MDGA2: variants seen among roughly 807,000 people sequenced by gnomAD.
The protein encoded by MDGA2 is MAM domain-containing glycosylphosphatidylinositol anchor protein 2.
A neutral mutation model predicts 117.8 loss-of-function variants in MDGA2; 40 were observed. The ratio of observed to expected loss-of-function variants is 0.34; its 90% CI spans 0.26 to 0.44. MDGA2 has a LOEUF of 0.44. Ranked by LOEUF, MDGA2 falls within the 20% of genes least tolerant of loss-of-function variation. The pLI, the probability that MDGA2 is intolerant of heterozygous loss-of-function variation, is 1.00. For missense variants in MDGA2, 1,123 were observed against 1,250.6 expected (o/e 0.90, Z 1.54); for synonymous variants, 452 against 439.0 (o/e 1.03, Z -0.37).
rs1881890186 is a variant in MDGA2 at position 47,126,126 on chromosome 14, T to A, written c.925+5588A>T. On this transcript the variant is annotated intron_variant, in intron 5 of 16. Coordinates refer to ENST00000399232, the MANE Select transcript of MDGA2 (RefSeq NM_001113498.3). Reference sequence around the variant, plus strand: ...GCTTATTTTAATAAACTATGAGAAATACAGCTACATTAAGAATTTACCAAT... The same window carrying A: ...GCTTATTTTAATAAACTATGAGAAAAACAGCTACATTAAGAATTTACCAAT... Among the ~76,000 whole-genome samples the A allele has an allele frequency of 2.6e-5, 4 of 151,996 alleles. 1 individual carries two copies. The highest frequency in any genetic ancestry group is 2.6e-4 in the Admixed American group (4 of 15,244).
intron 1 of MDGA2, among the ~76,000 whole-genome samples, chr14:47,669,408 C>A (rs551679230): frequency 6.6e-6 from 1 of 152,256 alleles, no homozygotes; most frequent in Admixed American, 6.5e-5. Flanking sequence ...CTGACTTATT[C>A]ATTGTAAAAT....
intron 3 of MDGA2, among the ~76,000 whole-genome samples, chr14:47,177,821 A>G (rs1207873177): frequency 3.3e-5 from 5 of 152,092 alleles, no homozygotes; most frequent in Admixed American, 6.6e-5. Context: ...AAAAATTAAA[A>G]AGAAGAAATT....
chr14:47,284,715 AT>A (rs1421083872), intron 2 of MDGA2, among the ~76,000 whole-genome samples: 1 of 152,150 alleles, frequency 6.6e-6, no homozygotes, highest in Non-Finnish European at 1.5e-5. Flanking sequence ...AACCATATTT[AT>A]GAACTTGTAA....
Position 47,144,119 on chromosome 14 carries a change from A to T in MDGA2, c.751T>A (p.Ser251Thr). ...TCATAAATCTCAACTCCTTTATCAG[A>T]TCCTTGCAGCAAGACCTCCTGGCCA... ...RRGQEVLLQG[S>T]DKGVEIYEPF... The change falls in exon 4 of 17, where the codon TCT becomes ACT. Residue 251 changes from serine to threonine, a missense_variant. By Grantham distance (58) the Ser-to-Thr change is moderately conservative. Coordinates refer to ENST00000399232, the MANE Select transcript of MDGA2 (RefSeq NM_001113498.3). The T allele has an allele frequency of 6.4e-7, 1 of 1,551,108 alleles. No individual in the cohort carries two copies. Among genetic ancestry groups the T allele is most frequent in the East Asian group, 2.4e-5 (1 of 40,884 alleles).
intron 1 of MDGA2, among the ~76,000 whole-genome samples, chr14:47,661,062 T>A (rs1431756039): frequency 6.6e-6 from 1 of 152,206 alleles, no homozygotes; most frequent in African/African-American, 2.4e-5. Flanking sequence ...TTACCCAAGT[T>A]GCATTTCAAG....
intron 9 of MDGA2, among the ~76,000 whole-genome samples, chr14:46,935,840 T>C (rs948723773): frequency 6.6e-6 from 1 of 152,070 alleles, no homozygotes; most frequent in African/African-American, 2.4e-5. Context: ...TGGGTTGACA[T>C]GGAGAGTTGG....
intron 1 of MDGA2, among the ~76,000 whole-genome samples, chr14:47,563,491 C>T (rs1293231171): frequency 6.6e-6 from 1 of 150,496 alleles, no homozygotes; most frequent in Non-Finnish European, 1.5e-5. Context: ...TACTATTAAG[C>T]AATGCCCTTC....
In MDGA2 at chr14:47,155,907, T is replaced by C. The variant is rs1883362433; in HGVS notation, c.596-11633A>G. ...CTTCTTCTTTTTTTTTTTTTTTTTT[T>C]TTTTTTTTTTTTTTTTTTTTTTTTG... On this transcript the variant is annotated intron_variant, in intron 3 of 16. Coordinates refer to ENST00000399232, the MANE Select transcript of MDGA2 (RefSeq NM_001113498.3). 1.9e-4 allele frequency among the ~76,000 whole-genome samples: 9 copies of C among 46,214 alleles called. No individual in the cohort carries two copies. The South Asian group carries it at 4.9e-3, about 25-fold the overall frequency. 30.3% of individuals were successfully genotyped at this position (46,214 alleles called of 152,430 possible).
At chr14:46,942,892 T>G (rs2138585734) in intron 9 of MDGA2, among the ~76,000 whole-genome samples, 1 of 152,238 alleles carries the variant, frequency 6.6e-6, no homozygotes, top group Non-Finnish European at 1.5e-5. Flanking sequence ...TGTGCTTTCA[T>G]TTCTGTTGGG....
Position 46,951,005 on chromosome 14 carries a change from T to A in MDGA2, c.2089+6369A>T, listed in dbSNP as rs137873198. 3.8e-3 allele frequency among the ~76,000 whole-genome samples: 572 copies of A among 152,056 alleles called. 5 individuals carry two copies. Among genetic ancestry groups the A allele is most frequent in the African/African-American group, 0.013 (546 of 41,532 alleles). On this transcript the variant is annotated intron_variant, in intron 9 of 16. Coordinates refer to ENST00000399232, the MANE Select transcript of MDGA2 (RefSeq NM_001113498.3). ...TCCTTTAACATCTTGTTTTAGGTGA[T>A]ATTAAAGTCCTCAGTCATTTTTAAT...
At chr14:47,280,343 A>AAAAAAAAAAAGAG (rs1555369475) in intron 2 of MDGA2, among the ~76,000 whole-genome samples, 1 of 137,256 alleles carries the variant, frequency 7.3e-6, no homozygotes, top group African/African-American at 2.6e-5. Flanking sequence ...AAAAAAAAAA[A>AAAAAAAAAAAGAG]AGAGAGATTG....
chr14:47,219,212 T>C (rs544754840), intron 2 of MDGA2, among the ~76,000 whole-genome samples: 9 of 152,194 alleles, frequency 5.9e-5, no homozygotes, highest in East Asian at 3.9e-4. Context: ...TCCTATAATA[T>C]TGCCATTATA....
chr14:47,075,168 C>T (rs1890445636), intron 6 of MDGA2, among the ~76,000 whole-genome samples: 1 of 152,190 alleles, frequency 6.6e-6, no homozygotes, highest in South Asian at 2.1e-4. Context: ...CTAATGTCAT[C>T]TTTTTTGTAA....
At chr14:47,032,622 T>C (rs1888702404) in intron 8 of MDGA2, among the ~76,000 whole-genome samples, 1 of 152,170 alleles carries the variant, frequency 6.6e-6, no homozygotes, top group African/African-American at 2.4e-5. Flanking sequence ...GTTAGACTGT[T>C]TTTCAATTTA....
At chr14:47,509,515 G>A (rs926014287) in intron 1 of MDGA2, among the ~76,000 whole-genome samples, 2 of 152,150 alleles carry the variant, frequency 1.3e-5, no homozygotes, top group African/African-American at 2.4e-5. Context: ...CAAAGGATAT[G>A]ACGACCTGGC....
chr14:47,530,668 A>G (rs768581780), intron 1 of MDGA2, among the ~76,000 whole-genome samples: 1 of 151,840 alleles, frequency 6.6e-6, no homozygotes, highest in Non-Finnish European at 1.5e-5. Flanking sequence ...ACCCCCCTGG[A>G]CCCCCTATCT....
intron 10 of MDGA2, among the ~76,000 whole-genome samples, chr14:46,882,562 C>G (rs545337406): frequency 6.6e-6 from 1 of 151,006 alleles, no homozygotes; most frequent in Admixed American, 6.6e-5. Flanking sequence ...ATACGAGATT[C>G]TTGAATACTT....
At chr14:47,465,482 G>GA (rs1027809994) in intron 1 of MDGA2, among the ~76,000 whole-genome samples, 15 of 150,448 alleles carry the variant, frequency 1.0e-4, no homozygotes, top group East Asian at 7.8e-4. Flanking sequence ...AAATTTACAA[G>GA]AAAAAAAACA....
chr14:47,369,530 C>G (rs1463847362), intron 1 of MDGA2, among the ~76,000 whole-genome samples: 1 of 151,994 alleles, frequency 6.6e-6, no homozygotes, highest in African/African-American at 2.4e-5. Context: ...ATCCTCTTAC[C>G]ACCACCCTCC....
Sources: allele counts gnomAD v4.1 joint callset (sites outside exome capture counted in the v4.1 genomes callset), GRCh38; gene constraint gnomAD v4.1.1; transcripts MANE v1.5; gene names NCBI Gene and HGNC (gene_info 2026-07-23, HGNC 2026-07-21).